The following WDR13 variants were observed in gnomAD, a reference collection of about 807,000 sequenced individuals.
WDR13 encodes WD repeat-containing protein 13.
A neutral mutation model predicts 28.6 loss-of-function variants in WDR13; 1 was observed. That is an observed-to-expected ratio of 0.03 (90% confidence interval 0.01 to 0.17). The LOEUF (loss-of-function observed/expected upper bound fraction) is 0.17. WDR13 is among the 10% of genes least tolerant of loss of function. The probability of loss-of-function intolerance (pLI) is 1.00; values close to 1 mark genes in which losing one functional copy is unlikely to be tolerated. For missense variants in WDR13, 264 were observed against 469.3 expected (o/e 0.56, Z 4.04); for synonymous variants, 201 against 185.9 (o/e 1.08, Z -0.66).
At chrX:48,600,940 A>G (rs1224934931) in intron 6 of WDR13, among the ~76,000 whole-genome samples, 2 of 14,621 alleles carry the variant, frequency 1.4e-4, no homozygotes, top group Non-Finnish European at 1.4e-3. Flanking sequence ...CTAAAAATAC[A>G]AAAAATTAGC....
In WDR13 at chrX:48,597,715, GGGGGAGGGGCGTTGCTATGGCGACT is replaced by G. The variant is rs1444685702; in HGVS notation, c.-40+113_-40+137del. ...GAATGTCAAGCAAGGAATGCTAGGC[GGGGGAGGGGCGTTGCTATGGCGACT>G]GGGGAGGGGCGGTGTCTGTTCTGAA... On this transcript the variant is annotated intron_variant, in intron 1 of 9. Coordinates refer to ENST00000376729, the MANE Select transcript of WDR13 (RefSeq NM_001347217.2). 1.2e-4 allele frequency: 41 copies of G among 332,984 alleles called. No individual in the cohort carries two copies. The South Asian group carries it at 1.3e-3, about 10-fold the overall frequency. The allele number at this position is 332,984 out of a possible 1,213,427, so 27.4% of individuals were successfully genotyped here. A position where few individuals can be genotyped will look rare whatever the true frequency, so the allele number is the denominator to read the frequency against.
chrX:48,600,240 C>T lies in WDR13; in HGVS notation c.524-79C>T. 11 of 1,087,217 alleles carry T rather than the reference C, an allele frequency of 1.0e-5. No homozygotes were observed. In the South Asian group the frequency reaches 2.2e-4, roughly 21 times the overall value. 89.6% of individuals were successfully genotyped at this position (1,087,217 alleles called of 1,213,427 possible). On this transcript the variant is annotated intron_variant, in intron 5 of 9. Coordinates refer to ENST00000376729, the MANE Select transcript of WDR13 (RefSeq NM_001347217.2). ...CATGCAGTGGGGCCCCAGCCCCAGG[C>T]ACACACGTCAGAGCCTTTTAGAGAG...
At chrX:48,599,821 G>C in intron 5 of WDR13, 104 bp downstream of exon 5, 1 of 1,099,985 alleles carries the variant, frequency 9.1e-7, no homozygotes, top group East Asian at 3.0e-5. Flanking sequence ...ACACTCCAAA[G>C]GAGGAATGAC....
Position 48,608,449 on chromosome X carries a change from G to A in WDR13, c.*3417G>A, listed in dbSNP as rs781909603. ...CCATTCTTATCTCTTAGGGAATGGTGGGAACCCTCCTGGAGTCTATGTTCT... is the reference window on the plus strand; with the variant it reads ...CCATTCTTATCTCTTAGGGAATGGTAGGAACCCTCCTGGAGTCTATGTTCT... On this transcript the variant is annotated 3_prime_UTR_variant, in exon 10 of 10. Transcript: ENST00000376729. The A allele has an allele frequency of 4.5e-5, 5 of 111,785 alleles. No individual in the cohort carries two copies. In the East Asian group the frequency reaches 1.1e-3, roughly 25 times the overall value. The allele number at this position is 111,785 out of a possible 1,213,427, so 9.2% of individuals were successfully genotyped here.
At chrX:48,599,524 A>G (rs2062168846) in intron 4 of WDR13, 62 bp downstream of exon 4, 6 of 1,208,379 alleles carry the variant, frequency 5.0e-6, no homozygotes, top group Non-Finnish European at 6.7e-6. Flanking sequence ...GCCCTGGGGC[A>G]ATGGCAGACT....
chrX:48,598,986 G>A, intron 3 of WDR13, 29 bp downstream of exon 3: 3 of 1,178,451 alleles, frequency 2.5e-6, no homozygotes, highest in Non-Finnish European at 2.3e-6. Flanking sequence ...TCACCCCCGG[G>A]CATACCCTGC....
rs1465292971 is a variant in WDR13 at position 48,605,337 on chromosome X, G to T, written c.*305G>T. 6.7e-6 allele frequency: 2 copies of T among 299,360 alleles called. No individual in the cohort carries two copies. Among genetic ancestry groups the T allele is most frequent in the African/African-American group, 5.3e-5 (2 of 37,995 alleles). 24.7% of individuals were successfully genotyped at this position (299,360 alleles called of 1,213,427 possible). On this transcript the variant is annotated 3_prime_UTR_variant, in exon 10 of 10. Coordinates refer to ENST00000376729, the MANE Select transcript of WDR13 (RefSeq NM_001347217.2). ...ATAGACATTAGTGAGCCCTGACCGT[G>T]TGCCAGGAACTGTTCTAGGCACTGG...
Position 48,605,222 on chromosome X carries a change from A to G in WDR13, c.*190A>G, listed in dbSNP as rs781816674. The stretch of plus-strand genomic sequence containing the variant: ...CATTGACTCATTTGTGCATTCATGC[A>G]TCGACGGATTCATTCATTCCACAAG... On this transcript the variant is annotated 3_prime_UTR_variant, in exon 10 of 10. Coordinates refer to ENST00000376729, the MANE Select transcript of WDR13 (RefSeq NM_001347217.2). The G allele has an allele frequency of 6.4e-5, 30 of 466,504 alleles. No individual in the cohort carries two copies. The highest frequency in any genetic ancestry group is 1.1e-4 in the South Asian group (3 of 27,644). 38.4% of individuals were successfully genotyped at this position (466,504 alleles called of 1,213,427 possible).
chrX:48,598,725 C>T lies in WDR13; in HGVS notation c.50C>T (p.Ala17Val), dbSNP rs782679073. The T allele has an allele frequency of 8.8e-6, 10 of 1,140,084 alleles. No homozygotes were observed. The South Asian group carries it at 9.1e-5, about 10-fold the overall frequency. The allele number at this position is 1,140,084 out of a possible 1,213,427, so 94.0% of individuals were successfully genotyped here. The change falls in exon 3 of 10, where the codon GCG becomes GTG. Residue 17 changes from alanine (A) to valine (V), a missense_variant. By Grantham distance (64) the Ala-to-Val change is moderately conservative. Coordinates refer to ENST00000376729, the MANE Select transcript of WDR13 (RefSeq NM_001347217.2). ...GCATCCTGACCCTGCAGGTACAACG[C>T]GTACCGCACACCAACGTTTCCACAG... ...QVLAVDARYN[A>V]YRTPTFPQFR...
intron 8 of WDR13, 127 bp from the exon 9 acceptor site, chrX:48,604,144 CA>C (rs1246368388): frequency 0.051 from 19,316 of 380,075 alleles, no homozygotes; most frequent in East Asian, 0.061. Context: ...GTCTCAAAAA[CA>C]AAAAAAAAAA....
In WDR13 at chrX:48,598,847, C is replaced by A. The variant is rs1234129800; in HGVS notation, c.172C>A (p.Arg58=). 1.7e-6 allele frequency: 2 copies of A among 1,204,936 alleles called. No individual in the cohort carries two copies. The highest frequency in any genetic ancestry group is 2.2e-6 in the Non-Finnish European group (2 of 892,965). The change falls in exon 3 of 10, where the codon CGG becomes AGG. Residue 58 remains arginine (R), a synonymous_variant. Coordinates refer to ENST00000376729, the MANE Select transcript of WDR13 (RefSeq NM_001347217.2). ...PALRRQYLRL[R]GQLLGQRYGP... ...GCTGCGTCGGCAGTACCTGAGGCTT[C>A]GGGGGCAGCTGCTGGGCCAGCGCTA...
At chrX:48,600,685 T>C in intron 6 of WDR13, 59 bp downstream of exon 6, 1 of 1,153,357 alleles carries the variant, frequency 8.7e-7, no homozygotes. Flanking sequence ...GAAGGCTATC[T>C]GAGGGAATCA....
chrX:48,599,837 A>G (rs2062171860), intron 5 of WDR13, 120 bp downstream of exon 5: 4 of 1,049,156 alleles, frequency 3.8e-6, no homozygotes, highest in Non-Finnish European at 3.9e-6. Flanking sequence ...ATGACCATCC[A>G]TAAAGCCTTT....
Position 48,606,149 on chromosome X carries a change from C to T in WDR13, c.*1117C>T, listed in dbSNP as rs185589464. The T allele has an allele frequency of 1.9e-5, 2 of 106,939 alleles. No homozygotes were observed. Among genetic ancestry groups the T allele is most frequent in the Non-Finnish European group, 3.9e-5 (2 of 51,912 alleles). 8.8% of individuals were successfully genotyped at this position (106,939 alleles called of 1,213,427 possible). ...ATGATCTGACTTGGTCATAGAGGCT[C>T]CCTCTGGCTGCTGAAGGGGACAGAT... On this transcript the variant is annotated 3_prime_UTR_variant, in exon 10 of 10. Transcript: ENST00000376729.
chrX:48,602,124 T>A lies in WDR13; in HGVS notation c.1072T>A (p.Ser358Thr), dbSNP rs2062191006. Reference sequence around the variant, plus strand: ...TGAGGGGAGCCCTGTGACCAGCATCTCAGCCCGGTCCTGGGTCAGCCGCGA... The same window carrying A: ...TGAGGGGAGCCCTGTGACCAGCATCACAGCCCGGTCCTGGGTCAGCCGCGA... ...VHEGSPVTSISARSWVSREAR... is the reference protein window; with the variant it reads ...VHEGSPVTSITARSWVSREAR... Residue 358 changes from serine (S) to threonine (T), a missense_variant, in exon 8 of 10, where the codon TCA becomes ACA. Coordinates refer to ENST00000376729, the MANE Select transcript of WDR13 (RefSeq NM_001347217.2). 1 of 1,211,510 alleles carries A rather than the reference T, an allele frequency of 8.3e-7. No homozygotes were observed. Among genetic ancestry groups the A allele is most frequent in the Admixed American group, 2.2e-5 (1 of 46,002 alleles).
chrX:48,605,296 C>T lies in WDR13; in HGVS notation c.*264C>T. 1 of 378,769 alleles carries T rather than the reference C, an allele frequency of 2.6e-6. No homozygotes were observed. The highest frequency in any genetic ancestry group is 4.6e-6 in the Non-Finnish European group (1 of 215,092). 31.2% of individuals were successfully genotyped at this position (378,769 alleles called of 1,213,427 possible). ...TACAGGCCCTGCCTTAACTGTTTTA[C>T]ACACTTATGCATTCGATAGACATTA... is the stretch of plus-strand genomic sequence containing the variant. On this transcript the variant is annotated 3_prime_UTR_variant, in exon 10 of 10. Transcript: ENST00000376729.
chrX:48,603,497 A>C (rs1458554156), intron 8 of WDR13, among the ~76,000 whole-genome samples: 1 of 111,452 alleles, frequency 9.0e-6, no homozygotes, highest in Non-Finnish European at 1.9e-5. Flanking sequence ...AAAATACAAA[A>C]ATTAGCTGGG....
rs1556996222 is a variant in WDR13 at position 48,607,384 on chromosome X, G to GT, written c.*2352_*2353insT. ...TGTTGTTTTGGTTTTTTTTTGGCGG[G>GT]GGGGGGGGGGTCTTGCTCTGACGCC... On this transcript the variant is annotated 3_prime_UTR_variant, in exon 10 of 10. Transcript: ENST00000376729. 1.4e-5 allele frequency: 1 copy of GT among 70,235 alleles called. No homozygotes were observed. Among genetic ancestry groups the GT allele is most frequent in the African/African-American group, 4.8e-5 (1 of 20,842 alleles). The allele number at this position is 70,235 out of a possible 1,213,427, so 5.8% of individuals were successfully genotyped here. A position where few individuals can be genotyped will look rare whatever the true frequency, so the allele number is the denominator to read the frequency against.
chrX:48,598,983 C>A, intron 3 of WDR13, 26 bp downstream of exon 3: 1 of 1,180,028 alleles, frequency 8.5e-7, no homozygotes, highest in Non-Finnish European at 1.1e-6. Flanking sequence ...CATTCACCCC[C>A]GGGCATACCC....
Sources: gnomAD v4.1 joint callset for allele counts (sites outside exome capture counted in the v4.1 genomes callset) on GRCh38, gnomAD v4.1.1 for gene constraint, MANE v1.5 for transcripts, NCBI Gene and HGNC (gene_info 2026-07-23, HGNC 2026-07-21) for gene names.